Variants in IFI27L1 observed in about 807,000 individuals in gnomAD.
IFI27L1 encodes the protein interferon alpha-inducible protein 27-like protein 1.
A neutral mutation model predicts 9.2 loss-of-function variants in IFI27L1; 3 were observed. The observed-to-expected ratio is 0.32, with a 90% CI of 0.15 to 0.84. IFI27L1 has a LOEUF of 0.84. IFI27L1 is among the 40% of genes least tolerant of loss of function. IFI27L1 has a pLI of 0.56. For synonymous variants in IFI27L1, 53 were observed against 50.0 expected, an observed-to-expected ratio of 1.06 and a Z score of -0.26; for missense variants, 133 against 134.2, an observed-to-expected ratio of 0.99 and a Z score of 0.05.
chr14:94,087,406 T>C (rs556676960), intron 1 of IFI27L1, among the ~76,000 whole-genome samples: 5 of 152,316 alleles, frequency 3.3e-5, no homozygotes, highest in Admixed American at 2.6e-4. Flanking sequence ...AGTTTGGGTG[T>C]GTTTTTTGTT....
intron 1 of IFI27L1, among the ~76,000 whole-genome samples, chr14:94,094,138 A>G (rs996421163): frequency 6.6e-6 from 1 of 152,154 alleles, no homozygotes; most frequent in African/African-American, 2.4e-5. Context: ...GGAATGTTAG[A>G]GTCCTTCCAA....
intron 1 of IFI27L1, among the ~76,000 whole-genome samples, chr14:94,089,729 A>G (rs1354095384): frequency 1.3e-5 from 2 of 152,150 alleles, no homozygotes; most frequent in African/African-American, 2.4e-5. Context: ...TGCTTCTGAC[A>G]TATTTACCCC....
chr14:94,084,603 T>TG (rs1277191441), intron 1 of IFI27L1, among the ~76,000 whole-genome samples: 1 of 152,150 alleles, frequency 6.6e-6, no homozygotes, highest in Non-Finnish European at 1.5e-5. Flanking sequence ...AAACATTTCG[T>TG]GGGGCAGGGG....
chr14:94,100,387 G>GC (rs773857435), intron 2 of IFI27L1: 82 of 985,240 alleles, frequency 8.3e-5, no homozygotes, highest in Non-Finnish European at 9.5e-5. Flanking sequence ...CCCAGTCCCT[G>GC]CCCCCGTGGC....
chr14:94,097,442 G>C (rs900284285), intron 2 of IFI27L1: 2 of 575,790 alleles, frequency 3.5e-6, no homozygotes, highest in Non-Finnish European at 3.1e-6. Flanking sequence ...CCTCCATTTT[G>C]TTAGGATTTG....
chr14:94,098,457 C>T (rs1437497150), intron 2 of IFI27L1, among the ~76,000 whole-genome samples: 1 of 152,218 alleles, frequency 6.6e-6, no homozygotes. Context: ...CCACCCTACT[C>T]CAGTATGACC....
At chr14:94,093,167 C>CTTTTTTT (rs66928480) in intron 1 of IFI27L1, among the ~76,000 whole-genome samples, 5 of 125,466 alleles carry the variant, frequency 4.0e-5, no homozygotes, top group East Asian at 2.3e-4. Flanking sequence ...CATTTCTTTT[C>CTTTTTTT]TTTTTTTTTT....
chr14:94,089,368 C>T (rs1886392656), intron 1 of IFI27L1: 1 of 152,134 alleles, frequency 6.6e-6, no homozygotes, highest in Admixed American at 6.5e-5. Context: ...CTGAGGGTTC[C>T]TCCCCCTTTC....
chr14:94,099,369 C>T (rs2896259), intron 2 of IFI27L1, among the ~76,000 whole-genome samples: 75,380 of 151,570 alleles, frequency 0.5, 20,142 homozygotes, highest in African/African-American at 0.71. Flanking sequence ...TGAATTAGGA[C>T]CCCGACAGAG....
chr14:94,091,813 CT>C (rs536131001), intron 1 of IFI27L1, among the ~76,000 whole-genome samples: 207 of 146,234 alleles, frequency 1.4e-3, no homozygotes, highest in Middle Eastern at 3.6e-3. Flanking sequence ...AAACAAAAAT[CT>C]TTTTTTTTTT....
chr14:94,096,893 G>T lies in IFI27L1; in HGVS notation c.-45G>T, dbSNP rs756172866. 44 of 1,602,652 alleles carry T rather than the reference G, an allele frequency of 2.7e-5. No individual in the cohort carries two copies. The highest frequency in any genetic ancestry group is 3.8e-5 in the Non-Finnish European group (44 of 1,170,336). ...GTCAAAACTCAACCAACAGGTGGAA[G>T]TCCAAGAATCCGAGTGGAGGCTCAC... On this transcript the variant is annotated 5_prime_UTR_variant, in exon 2 of 5. Transcript: ENST00000555523.
At chr14:94,084,281 C>T (rs758039894) in intron 1 of IFI27L1, among the ~76,000 whole-genome samples, 7 of 152,100 alleles carry the variant, frequency 4.6e-5, no homozygotes, top group Non-Finnish European at 7.4e-5. Context: ...GCGGGTGGAT[C>T]GCTTGAGCTC....
chr14:94,097,613 G>A (rs1366485318), intron 2 of IFI27L1: 7 of 702,138 alleles, frequency 1.0e-5, no homozygotes, highest in East Asian at 2.7e-5. Context: ...TGAGAGACGC[G>A]GGTGGCTTGG....
intron 2 of IFI27L1, 106 bp downstream of exon 2, chr14:94,097,071 G>A: frequency 2.5e-6 from 2 of 811,260 alleles, no homozygotes; most frequent in East Asian, 5.7e-5. Flanking sequence ...ATAACAGAGA[G>A]GGAGGCTATC....
intron 3 of IFI27L1, chr14:94,101,340 T>A: frequency 4.6e-6 from 1 of 217,902 alleles, no homozygotes; most frequent in Non-Finnish European, 9.1e-6. Flanking sequence ...CAGATGGCTC[T>A]CTGACTGCAC....
At chr14:94,101,449 T>C (rs895501551) in intron 3 of IFI27L1, 11 of 292,084 alleles carry the variant, frequency 3.8e-5, no homozygotes, top group African/African-American at 1.7e-4. Flanking sequence ...GCAGCTCTGA[T>C]ATTGTCTTCT....
chr14:94,085,419 C>T (rs561615211), intron 1 of IFI27L1, among the ~76,000 whole-genome samples: 1 of 152,284 alleles, frequency 6.6e-6, no homozygotes, highest in Non-Finnish European at 1.5e-5. Flanking sequence ...TGCTGCAGTG[C>T]CTGGCACATG....
chr14:94,101,786 G>A (rs375179484), intron 3 of IFI27L1, 28 bp from the exon 4 acceptor site: 5 of 1,613,354 alleles, frequency 3.1e-6, no homozygotes, highest in Non-Finnish European at 4.2e-6. Flanking sequence ...GTCCCATGGG[G>A]CCAACCCCAA....
At chr14:94,102,435 AC>A in intron 4 of IFI27L1, 41 bp from the exon 5 acceptor site, 1 of 1,316,514 alleles carries the variant, frequency 7.6e-7, no homozygotes, top group Non-Finnish European at 1.0e-6. Flanking sequence ...AGGAGCTGCT[AC>A]CCCTCCCTGT....
Sources: allele counts gnomAD v4.1 joint callset (sites outside exome capture counted in the v4.1 genomes callset), GRCh38; gene constraint gnomAD v4.1.1; transcripts MANE v1.5; gene names NCBI Gene and HGNC (gene_info 2026-07-23, HGNC 2026-07-21).